Variants in SNAP91 observed in about 807,000 individuals in gnomAD.
The protein encoded by SNAP91 is clathrin coat assembly protein AP180.
SNAP91 carries 27 observed loss-of-function variants against 100.3 expected under a neutral mutation model. The ratio of observed to expected loss-of-function variants is 0.27; its 90% CI spans 0.20 to 0.37. SNAP91 has a LOEUF of 0.37. SNAP91 is among the 10% of genes least tolerant of loss of function. The pLI, the probability that SNAP91 is intolerant of heterozygous loss-of-function variation, is 1.00. For missense variants in SNAP91, 986 were observed against 1,123.7 expected (o/e 0.88, Z 1.75); for synonymous variants, 404 against 398.6 (o/e 1.01, Z -0.16).
chr6:83,669,119 A>G (rs1164195543), intron 2 of SNAP91, among the ~76,000 whole-genome samples: 2 of 152,070 alleles, frequency 1.3e-5, no homozygotes, highest in African/African-American at 4.8e-5. Context: ...GTTTCACACC[A>G]TTGTAAAGTT....
At chr6:83,618,537 T>G (rs1445552235) in intron 9 of SNAP91, among the ~76,000 whole-genome samples, 2 of 151,860 alleles carry the variant, frequency 1.3e-5, no homozygotes, top group Admixed American at 6.6e-5. Context: ...TACAGAAAAT[T>G]TTGTTATAGA....
intron 8 of SNAP91, among the ~76,000 whole-genome samples, chr6:83,632,423 G>A (rs217335): frequency 0.49 from 74,157 of 151,782 alleles, 18,695 homozygotes; most frequent in African/African-American, 0.62. Context: ...TCTTGTATTT[G>A]TACGTCTAGG....
chr6:83,557,841 A>G (rs1781114665), intron 28 of SNAP91, among the ~76,000 whole-genome samples: 1 of 152,054 alleles, frequency 6.6e-6, no homozygotes. Flanking sequence ...ATACCAGCCA[A>G]TGAAAGAATG....
intron 2 of SNAP91, among the ~76,000 whole-genome samples, chr6:83,692,365 A>C (rs1014936996): frequency 3.9e-5 from 6 of 152,094 alleles, no homozygotes; most frequent in African/African-American, 1.4e-4. Flanking sequence ...AAATACAAAA[A>C]TTAGCTAGGC....
chr6:83,684,275 G>A (rs1185145998), intron 2 of SNAP91, among the ~76,000 whole-genome samples: 7 of 152,002 alleles, frequency 4.6e-5, no homozygotes, highest in Non-Finnish European at 1.0e-4. Flanking sequence ...GAATTCTATG[G>A]TTCAGATGAG....
intron 8 of SNAP91, among the ~76,000 whole-genome samples, chr6:83,631,949 G>A (rs968541690): frequency 2.2e-4 from 34 of 152,044 alleles, no homozygotes; most frequent in African/African-American, 8.0e-4. Context: ...GGTCCTATGA[G>A]ATTTATGCTT....
intron 2 of SNAP91, among the ~76,000 whole-genome samples, chr6:83,670,466 T>A (rs78311461): frequency 3.4e-3 from 512 of 152,036 alleles, no homozygotes; most frequent in Non-Finnish European, 6.1e-3. Flanking sequence ...TGCAAATATT[T>A]CCTCTAAATC....
At chr6:83,676,786 A>G (rs942648393) in intron 2 of SNAP91, among the ~76,000 whole-genome samples, 3 of 152,192 alleles carry the variant, frequency 2.0e-5, no homozygotes, top group Admixed American at 1.3e-4. Context: ...CTGGGTGAGG[A>G]AAGGGGAGTC....
intron 2 of SNAP91, chr6:83,678,742 C>G (rs1485332294): frequency 7.8e-7 from 1 of 1,289,298 alleles, no homozygotes; most frequent in East Asian, 5.5e-5. Context: ...CATCTCCCAG[C>G]ATTATCCCAC....
At chr6:83,698,269 G>C (rs2099246932) in intron 2 of SNAP91, among the ~76,000 whole-genome samples, 1 of 150,608 alleles carries the variant, frequency 6.6e-6, no homozygotes, top group Non-Finnish European at 1.5e-5. Flanking sequence ...AAATATTACA[G>C]GCATCCTTCC....
intron 22 of SNAP91, among the ~76,000 whole-genome samples, chr6:83,586,364 T>A (rs981328936): frequency 6.6e-6 from 1 of 152,228 alleles, no homozygotes; most frequent in African/African-American, 2.4e-5. Context: ...AAGGGCCTCA[T>A]AGGCTGGACC....
At chr6:83,562,856 G>T (rs1790251468) in intron 26 of SNAP91, among the ~76,000 whole-genome samples, 1 of 152,186 alleles carries the variant, frequency 6.6e-6, no homozygotes, top group South Asian at 2.1e-4. Context: ...CCTACCCACT[G>T]GTTGAACACA....
intron 8 of SNAP91, among the ~76,000 whole-genome samples, chr6:83,639,146 T>C (rs925762181): frequency 2.6e-5 from 4 of 152,188 alleles, no homozygotes; most frequent in African/African-American, 7.2e-5. Flanking sequence ...AGTTGTATTT[T>C]GAAAATCATA....
intron 23 of SNAP91, among the ~76,000 whole-genome samples, chr6:83,580,804 A>G (rs1827191799): frequency 6.6e-6 from 1 of 152,254 alleles, no homozygotes; most frequent in Admixed American, 6.5e-5. Flanking sequence ...GAAAATACTA[A>G]TGAACATGAA....
At chr6:83,693,401 C>A (rs2099156553) in intron 2 of SNAP91, among the ~76,000 whole-genome samples, 1 of 152,092 alleles carries the variant, frequency 6.6e-6, no homozygotes, top group South Asian at 2.1e-4. Context: ...TCACTTGAAT[C>A]TTGTAGTGAA....
intron 2 of SNAP91, among the ~76,000 whole-genome samples, chr6:83,681,792 C>A (rs1333331899): frequency 6.6e-6 from 1 of 152,080 alleles, no homozygotes; most frequent in Non-Finnish European, 1.5e-5. Flanking sequence ...TAAAAGATGA[C>A]CAATCTTGGT....
At chr6:83,708,175 C>T in intron 1 of SNAP91, 2 of 463,246 alleles carry the variant, frequency 4.3e-6, no homozygotes, top group East Asian at 8.0e-5. Context: ...CCAGCGTGGG[C>T]TCCAGTCGCA....
chr6:83,666,239 A>AT (rs869124347), intron 2 of SNAP91, among the ~76,000 whole-genome samples: 1 of 152,202 alleles, frequency 6.6e-6, no homozygotes, highest in South Asian at 2.1e-4. Flanking sequence ...GTCCAGGTGT[A>AT]TTTTTTAAAA....
At chr6:83,555,784 G>T (rs1452575502) in intron 29 of SNAP91, among the ~76,000 whole-genome samples, 1 of 152,130 alleles carries the variant, frequency 6.6e-6, no homozygotes, top group Non-Finnish European at 1.5e-5. Flanking sequence ...ATTCTTAGAT[G>T]ATTTCTAAAT....
Sources: gnomAD v4.1 joint callset for allele counts (sites outside exome capture counted in the v4.1 genomes callset) on GRCh38, gnomAD v4.1.1 for gene constraint, MANE v1.5 for transcripts, NCBI Gene and HGNC (gene_info 2026-07-23, HGNC 2026-07-21) for gene names.